The following SF3B6 variants were observed in gnomAD, a reference collection of about 807,000 sequenced individuals.
SF3B6 encodes the protein splicing factor 3b subunit 6.
SF3B6 carries 3 observed loss-of-function variants against 15.9 expected under a neutral mutation model. The ratio of observed to expected loss-of-function variants is 0.19; its 90% confidence interval spans 0.09 to 0.49. The LOEUF (loss-of-function observed/expected upper bound fraction) is 0.49. Ranked by LOEUF, SF3B6 falls within the 20% of genes least tolerant of loss-of-function variation. The probability of loss-of-function intolerance (pLI) is 0.97; values close to 1 mark genes in which losing one functional copy is unlikely to be tolerated. For synonymous variants in SF3B6, 49 were observed against 51.1 expected (o/e 0.96, Z 0.18); for missense variants, 71 against 154.3 (o/e 0.46, Z 2.86).
intron 2 of SF3B6, among the ~76,000 whole-genome samples, chr2:24,073,236 C>A (rs1484058954): frequency 6.6e-6 from 1 of 152,180 alleles, no homozygotes; most frequent in East Asian, 1.9e-4. Context: ...TATACGTAGT[C>A]ATTACTGTGG....
chr2:24,075,070 A>T (rs1448545159), intron 1 of SF3B6, among the ~76,000 whole-genome samples: 2 of 152,306 alleles, frequency 1.3e-5, no homozygotes, highest in East Asian at 3.9e-4. Context: ...CAGAGGTTGC[A>T]GTGAGCCAAG....
rs1422388694 is a variant in SF3B6 at position 24,074,183 on chromosome 2, T to C, written c.42A>G (p.Pro14=). The C allele has an allele frequency of 6.3e-7, 1 of 1,577,470 alleles. No homozygotes were observed. Among genetic ancestry groups the C allele is most frequent in the South Asian group, 1.1e-5 (1 of 89,014 alleles). The change falls in exon 2 of 4, where the codon CCA becomes CCG. Residue 14 remains proline (P), a synonymous_variant. Transcript: ENST00000233468. ...TATACAATATCCGATTTACTTCAGG[T>C]GGAAGTCGAATCTAAAATGAGAAAT... is the stretch of plus-strand genomic sequence containing the variant. The part of the protein sequence containing the change: ...QAAKRANIRL[P]PEVNRILYIR...
chr2:24,068,176 G>A (rs146874186), intron 3 of SF3B6, 145 bp downstream of exon 3: 19,300 of 752,312 alleles, frequency 0.026, 318 homozygotes, highest in Middle Eastern at 0.042. Context: ...TGTTAGCCAG[G>A]ATGGTCTCGA....
chr2:24,067,803 G>C lies in SF3B6; in HGVS notation c.337C>G (p.Leu113Val). ...TKKKEEQLKLLKEKYGINTDP... is the reference protein window; with the variant it reads ...TKKKEEQLKLVKEKYGINTDP... ...GTGTTGATGCCATATTTCTCCTTGAGAAGCTTCAACTGTTCCTCCTTCTTC... is the reference window on the plus strand; with the variant it reads ...GTGTTGATGCCATATTTCTCCTTGACAAGCTTCAACTGTTCCTCCTTCTTC... Residue 113 changes from leucine (L) to valine (V), a missense_variant, in exon 4 of 4, where the codon CTC (leucine) becomes GTC (valine). Coordinates refer to ENST00000233468, the MANE Select transcript of SF3B6 (RefSeq NM_016047.4). 1 of 1,614,088 alleles carries C rather than the reference G, an allele frequency of 6.2e-7. No individual in the cohort carries two copies. Among genetic ancestry groups the C allele is most frequent in the Non-Finnish European group, 8.5e-7 (1 of 1,180,008 alleles).
At chr2:24,069,916 C>G (rs1224843229) in intron 2 of SF3B6, among the ~76,000 whole-genome samples, 1 of 152,158 alleles carries the variant, frequency 6.6e-6, no homozygotes, top group East Asian at 1.9e-4. Context: ...TGATCTTATG[C>G]GTACTTCATT....
chr2:24,076,138 C>G, intron 1 of SF3B6, 62 bp downstream of exon 1: 2 of 1,606,160 alleles, frequency 1.2e-6, no homozygotes, highest in Non-Finnish European at 1.7e-6. Flanking sequence ...TGCTCCGATC[C>G]ACGCCGCTAA....
chr2:24,068,879 C>T (rs563499402), intron 2 of SF3B6, among the ~76,000 whole-genome samples: 1 of 152,306 alleles, frequency 6.6e-6, no homozygotes, highest in East Asian at 1.9e-4. Context: ...TAGACTCTCA[C>T]TCTGTTGCCT....
Position 24,067,726 on chromosome 2 carries a change from C to T in SF3B6, c.*36G>A, listed in dbSNP as rs548848569. The T allele has an allele frequency of 1.1e-4, 164 of 1,533,958 alleles. No individual in the cohort carries two copies. The highest frequency in any genetic ancestry group is 5.4e-4 in the South Asian group (46 of 85,778). ...GGAAAAAAAGGTGGTAGTTGTCATT[C>T]GTGGGATTTAGTCCAAATGAAAATG... On this transcript the variant is annotated 3_prime_UTR_variant, in exon 4 of 4. Coordinates refer to ENST00000233468, the MANE Select transcript of SF3B6 (RefSeq NM_016047.4).
chr2:24,076,188 C>T lies in SF3B6; in HGVS notation c.30+12G>A, dbSNP rs1288005661. 1.2e-6 allele frequency: 2 copies of T among 1,614,210 alleles called. No homozygotes were observed. Among genetic ancestry groups the T allele is most frequent in the South Asian group, 1.1e-5 (1 of 91,084 alleles). The stretch of plus-strand genomic sequence containing the variant: ...AAGTTCTCCCACCCTCCGCAGAACA[C>T]CCGATACTCACGTTCGCCCTCTTGG... On this transcript the variant is annotated intron_variant, in intron 1 of 3. Transcript: ENST00000233468.
At chr2:24,073,977 G>T in intron 2 of SF3B6, 99 bp downstream of exon 2, 1 of 760,022 alleles carries the variant, frequency 1.3e-6, no homozygotes, top group Non-Finnish European at 2.3e-6. Flanking sequence ...GGTAAGGGTT[G>T]TCGCACTGCA....
intron 3 of SF3B6, 85 bp from the exon 4 acceptor site, chr2:24,067,936 C>A: frequency 9.6e-7 from 1 of 1,043,464 alleles, no homozygotes; most frequent in Non-Finnish European, 1.5e-6. Flanking sequence ...AAAAGAAAGT[C>A]ATAGTAGACA....
At chr2:24,074,645 T>C (rs1048882203) in intron 1 of SF3B6, among the ~76,000 whole-genome samples, 8 of 152,142 alleles carry the variant, frequency 5.3e-5, no homozygotes, top group East Asian at 3.8e-4. Context: ...TTGGAGAAAA[T>C]AGACATGACC....
At chr2:24,073,959 A>T in intron 2 of SF3B6, 117 bp downstream of exon 2, 1 of 700,264 alleles carries the variant, frequency 1.4e-6, no homozygotes, top group Admixed American at 2.6e-5. Flanking sequence ...GCTAGTCTCA[A>T]GGCTCTTGGT....
intron 2 of SF3B6, among the ~76,000 whole-genome samples, chr2:24,069,420 A>G (rs546262193): frequency 6.6e-6 from 1 of 152,322 alleles, no homozygotes; most frequent in Admixed American, 6.5e-5. Flanking sequence ...GAGCAACGCA[A>G]CGCTAAATTG....
chr2:24,069,687 G>A (rs921754236), intron 2 of SF3B6, among the ~76,000 whole-genome samples: 5 of 152,140 alleles, frequency 3.3e-5, no homozygotes, highest in African/African-American at 1.2e-4. Context: ...CTATAGTCTG[G>A]GCCCTGTTCA....
intron 3 of SF3B6, 106 bp from the exon 4 acceptor site, chr2:24,067,957 C>T: frequency 6.7e-6 from 6 of 898,014 alleles, no homozygotes; most frequent in Non-Finnish European, 9.0e-6. Context: ...TATATCATCA[C>T]AGTACAGTTC....
At chr2:24,069,892 C>G (rs1343048952) in intron 2 of SF3B6, among the ~76,000 whole-genome samples, 2 of 152,144 alleles carry the variant, frequency 1.3e-5, no homozygotes, top group East Asian at 3.8e-4. Context: ...TTTTCAGTTC[C>G]TTAAGAGCAA....
intron 2 of SF3B6, chr2:24,073,593 A>G (rs1307397764): frequency 6.6e-6 from 1 of 152,378 alleles, no homozygotes; most frequent in African/African-American, 2.4e-5. Context: ...TACATCTTCA[A>G]TTGAAAGAGC....
At chr2:24,075,277 TATC>T (rs1397735068) in intron 1 of SF3B6, among the ~76,000 whole-genome samples, 1 of 152,058 alleles carries the variant, frequency 6.6e-6, no homozygotes, top group Non-Finnish European at 1.5e-5. Flanking sequence ...AAATGATTCC[TATC>T]ATCAAGGTCA....
Sources: allele counts gnomAD v4.1 joint callset (sites outside exome capture counted in the v4.1 genomes callset), GRCh38; gene constraint gnomAD v4.1.1; transcripts MANE v1.5; gene names NCBI Gene and HGNC (gene_info 2026-07-23, HGNC 2026-07-21).